RANBP2: variants seen among roughly 807,000 people sequenced by gnomAD.
RANBP2 encodes the protein RAN binding protein 2.
A neutral mutation model predicts 303.6 loss-of-function variants in RANBP2; 57 were observed. The ratio of observed to expected loss-of-function variants is 0.19; its 90% CI spans 0.15 to 0.23. The LOEUF is 0.23. Among genes scored for constraint, RANBP2 ranks in the 10% least tolerant of loss-of-function variants. The pLI is 1.00. For missense variants in RANBP2, 3,138 were observed against 3,780.8 expected (o/e 0.83, Z 4.46); for synonymous variants, 1,167 against 1,301.5 (o/e 0.90, Z 2.23).
At chr2:108,815,987 A>G in the RANBP2 span, 9 of 1,613,400 alleles carry the variant, frequency 5.6e-6, no homozygotes, top group Non-Finnish European at 8.5e-7. Flanking sequence ...GTCTTCATGG[A>G]CTGGATTTCG....
chr2:109,286,368 C>T, the RANBP2 span, among the ~76,000 whole-genome samples: 13 of 152,166 alleles, frequency 8.5e-5, no homozygotes, highest in African/African-American at 2.9e-4. Flanking sequence ...CCAGGGGGCC[C>T]TTGGTTGCAA....
At chr2:109,299,916 C>T in the RANBP2 span, among the ~76,000 whole-genome samples, 5 of 152,184 alleles carry the variant, frequency 3.3e-5, no homozygotes, top group African/African-American at 1.2e-4. Flanking sequence ...GTAGGATGTG[C>T]AGAGCCAGCT....
At chr2:109,152,856 A>G in the RANBP2 span, among the ~76,000 whole-genome samples, 5 of 152,032 alleles carry the variant, frequency 3.3e-5, no homozygotes, top group African/African-American at 9.7e-5. Flanking sequence ...CTGTCTTTCA[A>G]ACTTTAAGAG....
At chr2:109,043,264 T>G in the RANBP2 span, among the ~76,000 whole-genome samples, 1 of 152,348 alleles carries the variant, frequency 6.6e-6, no homozygotes, top group South Asian at 2.1e-4. Context: ...CTTCATTACT[T>G]TACGAAATTA....
At position 108,767,710 on chromosome 2, in the gene RANBP2, A is replaced by G. The variant is rs140969067; in HGVS notation, c.7171A>G (p.Thr2391Ala). Reference sequence around the variant, plus strand: ...CAATCACAGAATAACTCCAGACATGACTTTGCAAAATATGAAAGGGACAGA... The same window carrying G: ...CAATCACAGAATAACTCCAGACATGGCTTTGCAAAATATGAAAGGGACAGA... ...CANHRITPDMTLQNMKGTERV... is the reference protein window; with the variant it reads ...CANHRITPDMALQNMKGTERV... Residue 2391 changes from threonine to alanine, a missense_variant, in exon 20 of 29, where the codon ACT (threonine) becomes GCT (alanine). Around this residue, in one of 20 missense-constraint regions of RANBP2, gnomAD observed 92 missense variants for 211.0 expected, o/e 0.44. Coordinates refer to ENST00000283195, the MANE Select transcript of RANBP2 (RefSeq NM_006267.5). 9.3e-6 allele frequency: 15 copies of G among 1,611,904 alleles called. No individual in the cohort carries two copies. The highest frequency in any genetic ancestry group is 1.1e-5 in the Non-Finnish European group (13 of 1,179,872).
the RANBP2 span, among the ~76,000 whole-genome samples, chr2:109,335,264 G>A: frequency 2.6e-5 from 4 of 152,208 alleles, no homozygotes; most frequent in Non-Finnish European, 2.9e-5. Flanking sequence ...CGTCCCACAC[G>A]AGAACGGCTC....
the RANBP2 span, chr2:109,615,396 T>C: frequency 1.2e-6 from 2 of 1,613,040 alleles, no homozygotes; most frequent in Admixed American, 3.3e-5. Flanking sequence ...CATTACCGGC[T>C]TCACTTGCCT....
chr2:109,026,434 A>G, the RANBP2 span, among the ~76,000 whole-genome samples: 1 of 151,852 alleles, frequency 6.6e-6, no homozygotes, highest in South Asian at 2.1e-4. Flanking sequence ...TGGACAGCGC[A>G]TTATTTTAAT....
chr2:109,512,230 T>C, the RANBP2 span, among the ~76,000 whole-genome samples: 3 of 152,098 alleles, frequency 2.0e-5, no homozygotes, highest in Non-Finnish European at 4.4e-5. Flanking sequence ...CACTGTCCTT[T>C]GCTGCATGCA....
At chr2:108,916,015 C>T in the RANBP2 span, among the ~76,000 whole-genome samples, 17 of 152,218 alleles carry the variant, frequency 1.1e-4, no homozygotes, top group Non-Finnish European at 1.5e-4. Context: ...ACAGACCTTA[C>T]TGAAGTTGCT....
the RANBP2 span, among the ~76,000 whole-genome samples, chr2:109,004,515 G>C: frequency 6.6e-6 from 1 of 152,202 alleles, no homozygotes; most frequent in African/African-American, 2.4e-5. Flanking sequence ...GGTTCGGAAA[G>C]CGCTGCCAGA....
chr2:109,401,057 G>A, the RANBP2 span, among the ~76,000 whole-genome samples: 1 of 152,214 alleles, frequency 6.6e-6, no homozygotes, highest in Non-Finnish European at 1.5e-5. Flanking sequence ...TGCACATCTG[G>A]GGGGTAAAGC....
At chr2:109,533,539 A>G in the RANBP2 span, among the ~76,000 whole-genome samples, 6 of 152,232 alleles carry the variant, frequency 3.9e-5, no homozygotes, top group African/African-American at 1.4e-4. Flanking sequence ...GCGGATGGGT[A>G]AAGGTTCAAT....
the RANBP2 span, among the ~76,000 whole-genome samples, chr2:108,956,955 A>AT: frequency 1.3e-5 from 2 of 151,986 alleles, no homozygotes. Context: ...CGCCCCGCTA[A>AT]TTTTTTGTAT....
rs1430294434 is a variant in RANBP2, at chr2:108,764,872, A to T, written c.4333A>T (p.Asn1445Tyr). The T allele has an allele frequency of 6.2e-7, 1 of 1,613,896 alleles. No homozygotes were observed. Among genetic ancestry groups the T allele is most frequent in the East Asian group, 2.2e-5 (1 of 44,890 alleles). Residue 1445 changes from asparagine (N) to tyrosine (Y), a missense_variant, in exon 20 of 29, where the codon AAC becomes TAC. This residue lies in a region of RANBP2 where 388 missense variants were observed against 328.5 expected (regional missense o/e 1.18). Transcript: ENST00000283195. ...TGCGTGTCAGAATACAAAATCTGCT[A>T]ACAAAAGTGGATCTTCATTTGTTCA... The part of the protein sequence containing the change: ...CIACQNTKSA[N>Y]KSGSSFVHQA...
chr2:109,465,518 A>G, the RANBP2 span, among the ~76,000 whole-genome samples: 1 of 152,192 alleles, frequency 6.6e-6, no homozygotes, highest in African/African-American at 2.4e-5. Context: ...GGATTTTGCC[A>G]TCCTAATAGT....
At chr2:109,617,058 C>T in the RANBP2 span, 1 of 166,998 alleles carries the variant, frequency 6.0e-6, no homozygotes, top group Non-Finnish European at 1.5e-5. Flanking sequence ...CCTAAGTATT[C>T]ATGAGCCCAT....
At chr2:109,257,696 G>A in the RANBP2 span, among the ~76,000 whole-genome samples, 5,863 of 152,204 alleles carry the variant, frequency 0.039, 372 homozygotes, top group African/African-American at 0.13. Flanking sequence ...TTCATTACCT[G>A]TTTCCTGAAG....
the RANBP2 span, among the ~76,000 whole-genome samples, chr2:109,631,630 C>T: frequency 6.6e-6 from 1 of 151,988 alleles, no homozygotes; most frequent in Admixed American, 6.6e-5. Flanking sequence ...ATGGCGGGCA[C>T]CTGTAATCCC....
Sources: allele counts gnomAD v4.1 joint callset (sites outside exome capture counted in the v4.1 genomes callset), GRCh38; gene constraint gnomAD v4.1.1; regional missense constraint gnomAD v4.1.1; transcripts MANE v1.5; gene names NCBI Gene and HGNC (gene_info 2026-07-23, HGNC 2026-07-21).